The following WASF1 variants were observed in gnomAD, a reference collection of about 807,000 sequenced individuals.
The protein encoded by WASF1 is actin-binding protein WASF1.
In WASF1, 7 loss-of-function variants were observed where a neutral mutation model predicts 50.5. The observed-to-expected ratio is 0.14, with a 90% confidence interval of 0.08 to 0.26. The LOEUF (loss-of-function observed/expected upper bound fraction) is 0.26, where lower values mean the gene tolerates loss of function less well. WASF1 is among the 10% of genes least tolerant of loss of function. WASF1 has a pLI of 1.00. For synonymous variants in WASF1, 205 were observed against 244.0 expected (o/e 0.84, Z 1.49); for missense variants, 470 against 694.7 (o/e 0.68, Z 3.64).
intron 5 of WASF1, among the ~76,000 whole-genome samples, chr6:110,112,258 A>G (rs1293267715): frequency 6.6e-6 from 1 of 152,094 alleles, no homozygotes; most frequent in African/African-American, 2.4e-5. Flanking sequence ...AATGCAACAA[A>G]AATATTTTGA....
At chr6:110,124,268 CTCTCTCTATATATATA>C (rs1437466536) in intron 4 of WASF1, among the ~76,000 whole-genome samples, 3 of 59,236 alleles carry the variant, frequency 5.1e-5, no homozygotes, top group African/African-American at 2.8e-4. Flanking sequence ...CTCTCTCTCT[CTCTCTCTATATATATA>C]TATATATATA....
chr6:110,122,575 C>T, intron 4 of WASF1, among the ~76,000 whole-genome samples: 1 of 152,190 alleles, frequency 6.6e-6, no homozygotes, highest in Non-Finnish European at 1.5e-5. Context: ...TTTCCTTCTC[C>T]TCTTTGGTCT....
chr6:110,173,509 G>C (rs972350184), intron 2 of WASF1, among the ~76,000 whole-genome samples: 7 of 152,098 alleles, frequency 4.6e-5, no homozygotes, highest in African/African-American at 9.7e-5. Flanking sequence ...ATTTCTATTA[G>C]CCATGTGACC....
At chr6:110,141,721 CA>C (rs1364167019) in intron 3 of WASF1, among the ~76,000 whole-genome samples, 2 of 148,336 alleles carry the variant, frequency 1.3e-5, no homozygotes, top group Admixed American at 1.3e-4. Context: ...TTAAGGAAGC[CA>C]AAAAAGAAAA....
chr6:110,175,957 TC>T (rs1364567113), intron 2 of WASF1, among the ~76,000 whole-genome samples: 8 of 152,142 alleles, frequency 5.3e-5, no homozygotes, highest in Non-Finnish European at 1.2e-4. Context: ...ATTAACATAA[TC>T]CTATAATTCA....
chr6:110,164,315 T>TATGTA (rs1776381764), intron 2 of WASF1, among the ~76,000 whole-genome samples: 2 of 151,618 alleles, frequency 1.3e-5, no homozygotes, highest in African/African-American at 4.8e-5. Context: ...TAAAAGACTG[T>TATGTA]TATTCAGAAT....
rs139523287 is a variant in WASF1, at chr6:110,138,494, T to C, written c.-28-10865A>G. Among the ~76,000 whole-genome samples the C allele has an allele frequency of 9.9e-3, 1,512 of 152,334 alleles. 29 individuals carry two copies. Among genetic ancestry groups the C allele is most frequent in the African/African-American group, 0.034 (1,425 of 41,584 alleles). On this transcript the variant is annotated intron_variant, in intron 3 of 10. Transcript: ENST00000392589. The stretch of plus-strand genomic sequence containing the variant: ...AGGTCCCGAGTTCTTGTCCCACGTC[T>C]GGGAAGAATGAAGCATGTGAAGAGG...
In WASF1 at chr6:110,102,055, A is replaced by G; in HGVS notation, c.1055T>C (p.Val352Ala). The change falls in exon 10 of 11, where the codon GTA (valine) becomes GCA (alanine). Residue 352 changes from valine to alanine, a missense_variant. Physicochemically the swap from Val to Ala is moderately conservative, Grantham distance 64 (BLOSUM62 0). Around this residue, in one of 3 missense-constraint regions of WASF1, gnomAD observed 294 missense variants for 343.5 expected, o/e 0.86. Transcript: ENST00000392589. Reference protein sequence around the residue: ...ASMTSTPPPPVPPPPPPPATA... With the variant: ...ASMTSTPPPPAPPPPPPPATA... ...GGCTGGAGGTGGAGGTGGGGGAGGTACTGGAGGGGGAGGAGTTGAAGTCAT... is the reference window on the plus strand; with the variant it reads ...GGCTGGAGGTGGAGGTGGGGGAGGTGCTGGAGGGGGAGGAGTTGAAGTCAT... 1 of 1,507,236 alleles carries G rather than the reference A, an allele frequency of 6.6e-7. No homozygotes were observed. Among genetic ancestry groups the G allele is most frequent in the Non-Finnish European group, 8.9e-7 (1 of 1,126,892 alleles). The allele number at this position is 1,507,236 out of a possible 1,614,324, so 93.4% of individuals were successfully genotyped here.
At chr6:110,142,460 T>TGATA (rs1775289843) in intron 3 of WASF1, among the ~76,000 whole-genome samples, 1 of 152,188 alleles carries the variant, frequency 6.6e-6, no homozygotes, top group Non-Finnish European at 1.5e-5. Context: ...TGGTGATTTC[T>TGATA]AATGTCATTT....
intron 4 of WASF1, among the ~76,000 whole-genome samples, chr6:110,115,151 A>T (rs1247007667): frequency 1.3e-5 from 2 of 151,746 alleles, no homozygotes; most frequent in Non-Finnish European, 2.9e-5. Flanking sequence ...AAAAAAATTG[A>T]GTAGAAACAA....
rs148033180 is a variant in WASF1 at position 110,136,779 on chromosome 6, T to A, written c.-28-9150A>T. ...TTTTCTTTAACTTAGTTTGTTAATA[T>A]CTGACTACTTTTATTGGTATAATGC... On this transcript the variant is annotated intron_variant, in intron 3 of 10. Coordinates refer to ENST00000392589, the MANE Select transcript of WASF1 (RefSeq NM_003931.3). Among the ~76,000 whole-genome samples, 597 of 152,348 alleles carry A rather than the reference T, an allele frequency of 3.9e-3. 3 individuals carry two copies. Among genetic ancestry groups the A allele is most frequent in the African/African-American group, 0.013 (559 of 41,574 alleles).
intron 4 of WASF1, among the ~76,000 whole-genome samples, chr6:110,125,935 TG>T (rs1436387369): frequency 6.6e-6 from 1 of 152,222 alleles, no homozygotes; most frequent in Non-Finnish European, 1.5e-5. Context: ...TTGTAACAAA[TG>T]GGTTAGTACT....
intron 8 of WASF1, among the ~76,000 whole-genome samples, chr6:110,104,312 T>C (rs1226137767): frequency 6.6e-6 from 1 of 152,144 alleles, no homozygotes; most frequent in Non-Finnish European, 1.5e-5. Flanking sequence ...TACTCAACTG[T>C]AGTAGAAATA....
At chr6:110,160,048 G>C (rs1248245217) in intron 3 of WASF1, among the ~76,000 whole-genome samples, 2 of 151,750 alleles carry the variant, frequency 1.3e-5, no homozygotes, top group African/African-American at 2.4e-5. Context: ...CATCTTGAAA[G>C]TTTTATCTAG....
At chr6:110,136,258 T>C (rs921949558) in intron 3 of WASF1, among the ~76,000 whole-genome samples, 5 of 152,232 alleles carry the variant, frequency 3.3e-5, no homozygotes, top group South Asian at 2.1e-4. Context: ...AATAAGGACA[T>C]TGTGGTCAGA....
At chr6:110,108,999 C>T (rs142071391) in intron 5 of WASF1, among the ~76,000 whole-genome samples, 1 of 152,246 alleles carries the variant, frequency 6.6e-6, no homozygotes, top group African/African-American at 2.4e-5. Flanking sequence ...CATCATGGGC[C>T]CCCACCAACT....
intron 2 of WASF1, among the ~76,000 whole-genome samples, chr6:110,169,263 G>A (rs777081753): frequency 1.3e-5 from 2 of 152,044 alleles, no homozygotes; most frequent in Non-Finnish European, 2.9e-5. Context: ...CAGTCTGCCA[G>A]ACAGCTCCAC....
intron 10 of WASF1, 42 bp downstream of exon 10, chr6:110,101,546 A>G (rs545568897): frequency 1.5e-5 from 23 of 1,537,742 alleles, no homozygotes; most frequent in African/African-American, 1.1e-4. Flanking sequence ...AAAGTTTCCA[A>G]TGCTACTATA....
intron 4 of WASF1, among the ~76,000 whole-genome samples, chr6:110,114,920 C>T (rs959187377): frequency 4.6e-5 from 7 of 151,798 alleles, no homozygotes; most frequent in African/African-American, 9.7e-5. Context: ...GGTGAAACCC[C>T]GTCTCAACCA....
Sources: allele counts gnomAD v4.1 joint callset (sites outside exome capture counted in the v4.1 genomes callset), GRCh38; gene constraint gnomAD v4.1.1; regional missense constraint gnomAD v4.1.1; transcripts MANE v1.5; gene names NCBI Gene and HGNC (gene_info 2026-07-23, HGNC 2026-07-21).